CRK: variants seen among roughly 807,000 people sequenced by gnomAD.
CRK encodes the protein adapter molecule crk.
In CRK, 4 loss-of-function variants were observed where a neutral mutation model predicts 29.8. That is an observed-to-expected ratio of 0.13 (90% CI 0.07 to 0.31). CRK has a LOEUF of 0.31. Among genes scored for constraint, CRK ranks in the 10% least tolerant of loss-of-function variants. The probability of loss-of-function intolerance (pLI) is 1.00; values close to 1 mark genes in which losing one functional copy is unlikely to be tolerated. For synonymous variants in CRK, 153 were observed against 164.9 expected, an observed-to-expected ratio of 0.93 and a Z score of 0.55; for missense variants, 274 against 396.5, an observed-to-expected ratio of 0.69 and a Z score of 2.62.
At chr17:1,430,202 G>A (rs371390011) in intron 2 of CRK, among the ~76,000 whole-genome samples, 2 of 150,724 alleles carry the variant, frequency 1.3e-5, no homozygotes, top group African/African-American at 2.4e-5. Context: ...GTGCCCCCAC[G>A]CCTGGCTAAT....
At chr17:1,442,815 C>G (rs969665928) in intron 1 of CRK, among the ~76,000 whole-genome samples, 8 of 151,458 alleles carry the variant, frequency 5.3e-5, no homozygotes, top group African/African-American at 1.9e-4. Flanking sequence ...CCATGTTGGC[C>G]TGGCTGGTCT....
At chr17:1,439,041 C>T (rs2073912898) in intron 1 of CRK, among the ~76,000 whole-genome samples, 1 of 151,494 alleles carries the variant, frequency 6.6e-6, no homozygotes, top group South Asian at 2.1e-4. Context: ...ACCACGTTGC[C>T]CAGACTGGTG....
At chr17:1,426,313 TGGAGGAAGG>T (rs2150898898) in intron 2 of CRK, 1 of 152,558 alleles carries the variant, frequency 6.6e-6, no homozygotes, top group African/African-American at 2.4e-5. Flanking sequence ...AGCACAAGTG[TGGAGGAAGG>T]GGAGGAAGGG....
In CRK at chr17:1,422,964, G is replaced by A. The variant is rs149908866; in HGVS notation, c.*549C>T. ...AAGCATTGACTAGGAGGGAACAAAT[G>A]CTTCTAGTAGTGTTCTTAGAATTCT... On this transcript the variant is annotated 3_prime_UTR_variant, in exon 3 of 3. Coordinates refer to ENST00000300574, the MANE Select transcript of CRK (RefSeq NM_016823.4). The A allele has an allele frequency of 3.9e-3, 1,570 of 399,006 alleles. 2 individuals carry two copies. The highest frequency in any genetic ancestry group is 5.6e-3 in the Non-Finnish European group (1,277 of 226,138). 24.7% of individuals were successfully genotyped at this position (399,006 alleles called of 1,614,324 possible).
chr17:1,456,142 G>A lies in CRK; in HGVS notation c.-25C>T. The A allele has an allele frequency of 1.4e-6, 2 of 1,467,660 alleles. No individual in the cohort carries two copies. Among genetic ancestry groups the A allele is most frequent in the Non-Finnish European group, 1.8e-6 (2 of 1,110,318 alleles). The allele number at this position is 1,467,660 out of a possible 1,614,324, so 90.9% of individuals were successfully genotyped here. On this transcript the variant is annotated 5_prime_UTR_variant, in exon 1 of 3. Transcript: ENST00000300574. Reference sequence around the variant, plus strand: ...TGGCTGCCTCCGCGCCTAAACGCTGGGGTGCCGCCGCCGCGCGCGCCCCTC... The same window carrying A: ...TGGCTGCCTCCGCGCCTAAACGCTGAGGTGCCGCCGCCGCGCGCGCCCCTC...
intron 2 of CRK, chr17:1,424,900 G>C (rs1342813939): frequency 6.6e-6 from 1 of 151,824 alleles, no homozygotes; most frequent in African/African-American, 2.4e-5. Flanking sequence ...CATAGAACCA[G>C]CTACTCGGGA....
At chr17:1,426,567 C>T (rs1185498032) in intron 2 of CRK, 1 of 151,936 alleles carries the variant, frequency 6.6e-6, no homozygotes, top group African/African-American at 2.4e-5. Flanking sequence ...CTCATTTCTA[C>T]AAAAAATAAA....
chr17:1,447,849 T>G (rs2073987038), intron 1 of CRK, among the ~76,000 whole-genome samples: 1 of 151,962 alleles, frequency 6.6e-6, no homozygotes. Context: ...ACTCCTGACC[T>G]CAAGTGATCA....
At chr17:1,437,273 AC>A (rs2073893998) in intron 1 of CRK, 118 bp from the exon 2 acceptor site, 1 of 1,126,484 alleles carries the variant, frequency 8.9e-7, no homozygotes, top group African/African-American at 1.6e-5. Flanking sequence ...GCTGGTCTTG[AC>A]CTCCGGGGCT....
rs547487409 is a variant in CRK at position 1,436,559 on chromosome 17, A to T, written c.777+61T>A. 113 of 1,518,594 alleles carry T rather than the reference A, an allele frequency of 7.4e-5. 1 individual carries two copies. The South Asian group carries it at 1.4e-3, about 19-fold the overall frequency. 94.1% of individuals were successfully genotyped at this position (1,518,594 alleles called of 1,614,324 possible). A position where few individuals can be genotyped will look rare whatever the true frequency, so the allele number is the denominator to read the frequency against. On this transcript the variant is annotated intron_variant, in intron 2 of 2. Transcript: ENST00000300574. ...TAGTCAGCATTGCTACAAAGCTCTA[A>T]GAGGACCGAGAGGAGACCCTGCAGC...
At chr17:1,432,847 C>A (rs896465867) in intron 2 of CRK, among the ~76,000 whole-genome samples, 2 of 151,632 alleles carry the variant, frequency 1.3e-5, no homozygotes, top group Non-Finnish European at 2.9e-5. Flanking sequence ...AGTTTGCTAT[C>A]AAGTAGAATG....
At chr17:1,435,387 C>T (rs545608564) in intron 2 of CRK, among the ~76,000 whole-genome samples, 152 of 151,168 alleles carry the variant, frequency 1.0e-3, no homozygotes, top group Non-Finnish European at 1.9e-3. Context: ...CAACCCAGTG[C>T]TAATAAAGTC....
At chr17:1,426,990 C>A (rs935483219) in intron 2 of CRK, among the ~76,000 whole-genome samples, 1 of 124,446 alleles carries the variant, frequency 8.0e-6, no homozygotes, top group African/African-American at 3.1e-5. Context: ...CAAGATAGTA[C>A]CAGTGCACTC....
intron 1 of CRK, among the ~76,000 whole-genome samples, chr17:1,438,398 G>C (rs1038930777): frequency 2.0e-5 from 3 of 152,064 alleles, no homozygotes; most frequent in African/African-American, 7.2e-5. Context: ...CCAAAGTGTT[G>C]GGATTACAGG....
intron 2 of CRK, among the ~76,000 whole-genome samples, chr17:1,425,085 AGGTT>A (rs1438704160): frequency 6.6e-6 from 1 of 151,412 alleles, no homozygotes; most frequent in Non-Finnish European, 1.5e-5. Flanking sequence ...TGAAATATAA[AGGTT>A]TTTTTTGTTT....
At chr17:1,440,818 C>T (rs867531089) in intron 1 of CRK, among the ~76,000 whole-genome samples, 13 of 152,176 alleles carry the variant, frequency 8.5e-5, no homozygotes, top group Admixed American at 7.2e-4. Flanking sequence ...GTGGGAGAAT[C>T]GCCTGAGCCC....
At chr17:1,425,163 C>A (rs894180883) in intron 2 of CRK, among the ~76,000 whole-genome samples, 1 of 151,800 alleles carries the variant, frequency 6.6e-6, no homozygotes, top group African/African-American at 2.4e-5. Flanking sequence ...TATCTCAGCT[C>A]ACTGCAAGCT....
At chr17:1,436,064 C>T (rs1374886375) in intron 2 of CRK, among the ~76,000 whole-genome samples, 2 of 152,118 alleles carry the variant, frequency 1.3e-5, no homozygotes, top group Non-Finnish European at 2.9e-5. Flanking sequence ...TAGAAAGACC[C>T]GTGCACCTGC....
intron 2 of CRK, among the ~76,000 whole-genome samples, chr17:1,431,629 C>G (rs1022245608): frequency 7.9e-5 from 12 of 152,140 alleles, no homozygotes; most frequent in Admixed American, 1.3e-4. Flanking sequence ...ACTCTGTCGC[C>G]TAGCCTGGAC....
Sources: allele counts gnomAD v4.1 joint callset (sites outside exome capture counted in the v4.1 genomes callset), GRCh38; gene constraint gnomAD v4.1.1; transcripts MANE v1.5; gene names NCBI Gene and HGNC (gene_info 2026-07-23, HGNC 2026-07-21).